ZBTB20: variants seen among roughly 807,000 people sequenced by gnomAD.
ZBTB20 encodes the protein zinc finger and BTB domain containing 20.
ZBTB20 carries 9 observed loss-of-function variants against 56.9 expected under a neutral mutation model. The observed-to-expected ratio is 0.16, with a 90% CI of 0.10 to 0.28. The LOEUF (loss-of-function observed/expected upper bound fraction) is 0.28, where lower values mean the gene tolerates loss of function less well. Ranked by LOEUF, ZBTB20 falls within the 10% of genes least tolerant of loss-of-function variation. The pLI, the probability that ZBTB20 is intolerant of heterozygous loss-of-function variation, is 1.00. For missense variants in ZBTB20, 655 were observed against 1,003.0 expected (o/e 0.65, Z 4.69); for synonymous variants, 417 against 420.7 (o/e 0.99, Z 0.11).
chr3:114,805,354 A>G (rs2072022317), intron 4 of ZBTB20, among the ~76,000 whole-genome samples: 1 of 151,880 alleles, frequency 6.6e-6, no homozygotes, highest in Non-Finnish European at 1.5e-5. Context: ...CTTCTTGGTC[A>G]TTCCATGTTT....
chr3:114,730,204 TTGTGTG>T (rs140060489), intron 5 of ZBTB20, among the ~76,000 whole-genome samples: 7,447 of 150,490 alleles, frequency 0.049, 280 homozygotes, highest in Non-Finnish European at 0.078. Context: ...TGTTGCAATT[TTGTGTG>T]TGTGTGTGTG....
chr3:114,728,491 C>T (rs960297595), intron 5 of ZBTB20, among the ~76,000 whole-genome samples: 4 of 152,050 alleles, frequency 2.6e-5, no homozygotes, highest in Non-Finnish European at 5.9e-5. Context: ...TTGTTAACTG[C>T]CCAAAGTAAA....
chr3:114,378,876 C>A (rs1271789918), intron 10 of ZBTB20: 1 of 152,214 alleles, frequency 6.6e-6, no homozygotes, highest in African/African-American at 2.4e-5. Flanking sequence ...CTGCTTCTGC[C>A]CCCTGGTTTC....
chr3:115,099,164 A>G (rs2083487432), intron 1 of ZBTB20, among the ~76,000 whole-genome samples: 1 of 152,188 alleles, frequency 6.6e-6, no homozygotes, highest in Non-Finnish European at 1.5e-5. Context: ...TAAAAAAGAA[A>G]AAAAGAAATA....
chr3:115,135,375 T>C (rs1360967587), intron 1 of ZBTB20, among the ~76,000 whole-genome samples: 1 of 152,198 alleles, frequency 6.6e-6, no homozygotes, highest in African/African-American at 2.4e-5. Context: ...TCATTATACT[T>C]ATTCCTAAGA....
intron 6 of ZBTB20, among the ~76,000 whole-genome samples, chr3:114,621,863 G>C (rs1404579752): frequency 6.6e-6 from 1 of 152,094 alleles, no homozygotes; most frequent in Non-Finnish European, 1.5e-5. Context: ...ACATCGTCTT[G>C]CCTTTGTATC....
chr3:114,904,997 C>T (rs2075268942), intron 3 of ZBTB20, among the ~76,000 whole-genome samples: 1 of 151,728 alleles, frequency 6.6e-6, no homozygotes, highest in South Asian at 2.1e-4. Flanking sequence ...ATAATTAATG[C>T]CACTTAAAAT....
In ZBTB20 at chr3:114,629,975, C is replaced by T. The variant is rs536076276; in HGVS notation, c.-295+63553G>A. On this transcript the variant is annotated intron_variant, in intron 6 of 11. Transcript: ENST00000675478. ...CTAGTTTGGGCAAAATGGTGAAATG[C>T]CGTTTCTACAAAATATTAGTCGAGC... 2.2e-4 allele frequency among the ~76,000 whole-genome samples: 33 copies of T among 152,036 alleles called. No homozygotes were observed. In the South Asian group the frequency reaches 2.5e-3, roughly 11 times the overall value.
At chr3:114,930,236 A>G (rs1038158652) in intron 3 of ZBTB20, among the ~76,000 whole-genome samples, 16 of 152,178 alleles carry the variant, frequency 1.1e-4, no homozygotes, top group African/African-American at 3.4e-4. Context: ...ACACTGAAAA[A>G]CATGTGCTGC....
chr3:114,374,531 CTCTT>C (rs1462422760), intron 10 of ZBTB20, among the ~76,000 whole-genome samples: 1 of 152,158 alleles, frequency 6.6e-6, no homozygotes, highest in Non-Finnish European at 1.5e-5. Flanking sequence ...CATAAATAAA[CTCTT>C]TCAGAGGATG....
At chr3:114,786,205 C>A (rs1289395441) in intron 5 of ZBTB20, among the ~76,000 whole-genome samples, 2 of 151,854 alleles carry the variant, frequency 1.3e-5, no homozygotes, top group African/African-American at 2.4e-5. Context: ...AGGTTTGTTA[C>A]ATAGGTATAC....
intron 4 of ZBTB20, among the ~76,000 whole-genome samples, chr3:114,872,790 A>G (rs2076059454): frequency 6.6e-6 from 1 of 152,214 alleles, no homozygotes; most frequent in Admixed American, 6.5e-5. Flanking sequence ...ACTGTGGAAT[A>G]TTTCAAAGTC....
At chr3:114,403,773 G>A (rs1191005380) in intron 7 of ZBTB20, among the ~76,000 whole-genome samples, 4 of 151,950 alleles carry the variant, frequency 2.6e-5, no homozygotes, top group African/African-American at 9.7e-5. Flanking sequence ...CAACATTGGT[G>A]GGATAAGTCA....
At chr3:114,349,534 AACTC>A (rs2080471616) in intron 11 of ZBTB20, among the ~76,000 whole-genome samples, 1 of 152,202 alleles carries the variant, frequency 6.6e-6, no homozygotes, top group African/African-American at 2.4e-5. Context: ...TAATTACAGA[AACTC>A]ACTCCATTTA....
chr3:114,491,779 G>A (rs1040912756), intron 7 of ZBTB20, among the ~76,000 whole-genome samples: 2 of 151,942 alleles, frequency 1.3e-5, no homozygotes, highest in African/African-American at 4.8e-5. Flanking sequence ...TCAAGATATT[G>A]CAGTAGCTCA....
At chr3:114,395,893 T>C (rs901391494) in intron 7 of ZBTB20, among the ~76,000 whole-genome samples, 4 of 152,144 alleles carry the variant, frequency 2.6e-5, no homozygotes, top group African/African-American at 4.8e-5. Context: ...TGACAGTTCA[T>C]AAACTCTGTT....
rs145347265 is a variant in ZBTB20, at chr3:115,063,797, T to C, written c.-507+7422A>G. 4.1e-3 allele frequency among the ~76,000 whole-genome samples: 622 copies of C among 152,286 alleles called. 3 individuals are homozygous for C. Among genetic ancestry groups the C allele is most frequent in the Non-Finnish European group, 7.3e-3 (493 of 68,000 alleles). On this transcript the variant is annotated intron_variant, in intron 2 of 11. Transcript: ENST00000675478. ...AAAACTCATTCTAGTGTTTGCCTGA[T>C]TTCTAAATAATATGCTTCTATTGTT...
chr3:114,837,087 G>A (rs1469677444), intron 4 of ZBTB20, among the ~76,000 whole-genome samples: 1 of 152,086 alleles, frequency 6.6e-6, no homozygotes, highest in Admixed American at 6.6e-5. Flanking sequence ...AGACTGCTCT[G>A]TTCCTACATC....
At chr3:114,887,228 G>A (rs1158550454) in intron 4 of ZBTB20, among the ~76,000 whole-genome samples, 1 of 152,160 alleles carries the variant, frequency 6.6e-6, no homozygotes, top group Non-Finnish European at 1.5e-5. Context: ...CCACACTGGG[G>A]CTTAACTTTC....
Sources: allele counts gnomAD v4.1 joint callset (sites outside exome capture counted in the v4.1 genomes callset), GRCh38; gene constraint gnomAD v4.1.1; transcripts MANE v1.5; gene names NCBI Gene and HGNC (gene_info 2026-07-23, HGNC 2026-07-21).